The following ADCY9 variants were observed in gnomAD, a reference collection of about 807,000 sequenced individuals.
ADCY9 encodes adenylate cyclase 9.
In ADCY9, 50 loss-of-function variants were observed where a neutral mutation model predicts 101.5. The observed-to-expected ratio is 0.49, with a 90% CI of 0.39 to 0.62. The LOEUF (loss-of-function observed/expected upper bound fraction) is 0.62. ADCY9 is among the 20% of genes least tolerant of loss of function. The pLI is 0.00. For synonymous variants in ADCY9, 905 were observed against 769.3 expected (o/e 1.18, Z -2.92); for missense variants, 1,662 against 1,800.4 (o/e 0.92, Z 1.39).
rs748391119 is a variant in ADCY9, at chr16:3,966,938, C to T, written c.2899G>A (p.Val967Met). 34 of 1,613,412 alleles carry T rather than the reference C, an allele frequency of 2.1e-5. No homozygotes were observed. The East Asian group carries it at 6.9e-4, about 33-fold the overall frequency. Residue 967 changes from valine (V) to methionine (M), a missense_variant, in exon 11 of 11, where the codon GTG becomes ATG. Physicochemically the swap from Val to Met is conservative, Grantham distance 21. This residue lies in a region of ADCY9 where 624 missense variants were observed against 639.1 expected (regional missense o/e 0.98). Coordinates refer to ENST00000294016, the MANE Select transcript of ADCY9 (RefSeq NM_001116.4). ...SSERNPCNSS[V>M]PRDLRRPASL... ...GCGGGCCGCCGGAGGTCACGCGGCA[C>T]CGAACTATTGCACGGGTTCCTCTCG...
At chr16:4,076,757 C>T (rs1023617656) in intron 2 of ADCY9, among the ~76,000 whole-genome samples, 2 of 152,208 alleles carry the variant, frequency 1.3e-5, no homozygotes, top group African/African-American at 4.8e-5. Flanking sequence ...CTCTGTTGCC[C>T]AGGCTGCAGT....
intron 10 of ADCY9, among the ~76,000 whole-genome samples, chr16:3,969,268 G>C (rs2056026366): frequency 6.6e-6 from 1 of 151,350 alleles, no homozygotes; most frequent in African/African-American, 2.4e-5. Context: ...TCTTTTTTGA[G>C]ACAGAGTCTC....
intron 2 of ADCY9, among the ~76,000 whole-genome samples, chr16:4,074,675 C>T (rs2056855882): frequency 7.1e-6 from 1 of 139,874 alleles, no homozygotes; most frequent in Non-Finnish European, 1.5e-5. Flanking sequence ...TACGATCATG[C>T]CATTGTACCC....
intron 2 of ADCY9, among the ~76,000 whole-genome samples, chr16:4,057,185 G>C (rs1249482911): frequency 6.6e-6 from 1 of 152,046 alleles, no homozygotes; most frequent in Non-Finnish European, 1.5e-5. Context: ...CTGTTGCCTA[G>C]GCTGGAGTGC....
intron 2 of ADCY9, among the ~76,000 whole-genome samples, chr16:4,098,784 A>G (rs528324109): frequency 1.3e-5 from 2 of 152,312 alleles, no homozygotes; most frequent in South Asian, 4.1e-4. Flanking sequence ...CAAGGCTCCT[A>G]CTAAGGGATT....
intron 2 of ADCY9, among the ~76,000 whole-genome samples, chr16:4,018,212 C>T (rs1000768937): frequency 2.1e-5 from 3 of 145,648 alleles, no homozygotes; most frequent in Non-Finnish European, 3.0e-5. Context: ...GAATATTCTT[C>T]TCTTTTTTTT....
intron 2 of ADCY9, among the ~76,000 whole-genome samples, chr16:4,040,128 T>G (rs1410574265): frequency 1.3e-5 from 2 of 152,174 alleles, no homozygotes; most frequent in East Asian, 3.9e-4. Flanking sequence ...ATGGCGGCAT[T>G]CATCTAGGCT....
At chr16:4,040,961 G>A (rs2056622733) in intron 2 of ADCY9, among the ~76,000 whole-genome samples, 1 of 152,004 alleles carries the variant, frequency 6.6e-6, no homozygotes, top group Non-Finnish European at 1.5e-5. Context: ...GAAACAGCAG[G>A]GCCACTACTT....
intron 3 of ADCY9, among the ~76,000 whole-genome samples, chr16:4,001,162 G>C (rs2056327804): frequency 6.6e-6 from 1 of 152,160 alleles, no homozygotes; most frequent in African/African-American, 2.4e-5. Flanking sequence ...TAAGCTGCTG[G>C]CTTTATTCTG....
Position 4,061,248 on chromosome 16 carries a change from G to A in ADCY9, c.1693+52502C>T, listed in dbSNP as rs772845603. On this transcript the variant is annotated intron_variant, in intron 2 of 10. Transcript: ENST00000294016. ...TCAAGCATGCCAACATATATATAAA[G>A]GAAGTTTCAAAAGAAAACGAAGCAA... Among the ~76,000 whole-genome samples the A allele has an allele frequency of 2.0e-5, 3 of 151,442 alleles. No individual in the cohort carries two copies. In the East Asian group the frequency reaches 5.8e-4, roughly 29 times the overall value.
chr16:4,060,140 A>ATGTTT (rs2056766041), intron 2 of ADCY9, among the ~76,000 whole-genome samples: 1 of 152,196 alleles, frequency 6.6e-6, no homozygotes, highest in African/African-American at 2.4e-5. Flanking sequence ...TCCTGTAAAC[A>ATGTTT]ACAGGAAATG....
chr16:4,063,489 G>A (rs930571508), intron 2 of ADCY9, among the ~76,000 whole-genome samples: 3 of 152,070 alleles, frequency 2.0e-5, no homozygotes, highest in Admixed American at 1.3e-4. Context: ...TGGGACGATC[G>A]CTCAAGCCCA....
chr16:4,097,670 C>T (rs2057017247), intron 2 of ADCY9, among the ~76,000 whole-genome samples: 1 of 149,624 alleles, frequency 6.7e-6, no homozygotes, highest in Admixed American at 6.7e-5. Context: ...CCTCAGCTTC[C>T]CGAGTAGCTG....
At chr16:4,014,814 G>A (rs1408146418) in intron 2 of ADCY9, among the ~76,000 whole-genome samples, 4 of 151,102 alleles carry the variant, frequency 2.6e-5, no homozygotes, top group Non-Finnish European at 5.9e-5. Flanking sequence ...CCCCACCCCT[G>A]CTTCTAAACA....
chr16:4,053,417 T>A lies in ADCY9; in HGVS notation c.1694-45859A>T, dbSNP rs114589179. Among the ~76,000 whole-genome samples, 1,090 of 152,312 alleles carry A rather than the reference T, an allele frequency of 7.2e-3. 12 individuals are homozygous for A. The highest frequency in any genetic ancestry group is 0.024 in the African/African-American group (1,018 of 41,564). On this transcript the variant is annotated intron_variant, in intron 2 of 10. Coordinates refer to ENST00000294016, the MANE Select transcript of ADCY9 (RefSeq NM_001116.4). ...CTGAGACATAAAATAATATTGATCT[T>A]TGAGAAGAGCTCTCGACGGAAACAG...
At chr16:3,980,354 T>C (rs1404852874) in intron 7 of ADCY9, among the ~76,000 whole-genome samples, 1 of 152,166 alleles carries the variant, frequency 6.6e-6, no homozygotes, top group Non-Finnish European at 1.5e-5. Context: ...GAACAGGTCT[T>C]GGCTGAGTCC....
At chr16:4,100,776 C>T (rs2057038053) in intron 2 of ADCY9, among the ~76,000 whole-genome samples, 1 of 148,260 alleles carries the variant, frequency 6.7e-6, no homozygotes, top group Non-Finnish European at 1.5e-5. Context: ...AAAAAACAAA[C>T]TCAGTCTGTA....
intron 2 of ADCY9, among the ~76,000 whole-genome samples, chr16:4,073,998 A>G (rs2141172016): frequency 6.6e-6 from 1 of 152,350 alleles, no homozygotes; most frequent in Admixed American, 6.5e-5. Context: ...TAGTTTATTT[A>G]AAATTCAGTT....
At chr16:4,023,243 C>G (rs946473361) in intron 2 of ADCY9, among the ~76,000 whole-genome samples, 25 of 152,354 alleles carry the variant, frequency 1.6e-4, no homozygotes, top group African/African-American at 6.0e-4. Flanking sequence ...TGGCGTCCAT[C>G]ACCTGACTCA....
Sources: gnomAD v4.1 joint callset for allele counts (sites outside exome capture counted in the v4.1 genomes callset) on GRCh38, gnomAD v4.1.1 for gene constraint, gnomAD v4.1.1 regional missense constraint, MANE v1.5 for transcripts, NCBI Gene and HGNC (gene_info 2026-07-23, HGNC 2026-07-21) for gene names.